Variants in AHRR observed in about 807,000 individuals in gnomAD.
The protein encoded by AHRR is ahR repressor.
A neutral mutation model predicts 44.0 loss-of-function variants in AHRR; 28 were observed. The ratio of observed to expected loss-of-function variants is 0.64; its 90% CI spans 0.47 to 0.87. The LOEUF is 0.87. Among genes scored for constraint, AHRR ranks in the 40% least tolerant of loss-of-function variants. The pLI is 0.00. For missense variants in AHRR, 990 were observed against 953.9 expected (o/e 1.04, Z -0.50); for synonymous variants, 434 against 407.0 (o/e 1.07, Z -0.80).
chr5:332,541 C>T (rs969181722), intron 1 of AHRR, among the ~76,000 whole-genome samples: 13 of 152,294 alleles, frequency 8.5e-5, no homozygotes, highest in African/African-American at 3.1e-4. Context: ...GCTGGGATTA[C>T]AGGTGTGAGC....
At chr5:415,830 C>G (rs1478944384) in intron 5 of AHRR, among the ~76,000 whole-genome samples, 1 of 152,188 alleles carries the variant, frequency 6.6e-6, no homozygotes, top group African/African-American at 2.4e-5. Flanking sequence ...GGCCCTGAGG[C>G]TGCACAGTTT....
At chr5:325,550 C>T (rs551419597) in intron 1 of AHRR, among the ~76,000 whole-genome samples, 139 of 152,230 alleles carry the variant, frequency 9.1e-4, no homozygotes, top group African/African-American at 3.0e-3. Flanking sequence ...GGGCCAGACA[C>T]GTGACCATGA....
chr5:360,700 G>T (rs1402869839), intron 3 of AHRR, among the ~76,000 whole-genome samples: 1 of 152,210 alleles, frequency 6.6e-6, no homozygotes, highest in South Asian at 2.1e-4. Flanking sequence ...CGTGGAACGC[G>T]AGGAAAGTGA....
rs979832207 is a variant in AHRR at position 422,510 on chromosome 5, C to G, written c.442-219C>G. The G allele has an allele frequency of 1.0e-5, 6 of 580,470 alleles. No individual in the cohort carries two copies. The African/African-American group carries it at 1.1e-4, about 11-fold the overall frequency. 36.0% of individuals were successfully genotyped at this position (580,470 alleles called of 1,614,324 possible). On this transcript the variant is annotated intron_variant, in intron 5 of 10. Transcript: ENST00000684583. ...AAGGCTGGATGTGGGCACCACTTGG[C>G]GGGCAGACGGGTGGGCGGGTGCTCC...
At chr5:421,645 C>T (rs140575929) in intron 5 of AHRR, among the ~76,000 whole-genome samples, 1 of 152,188 alleles carries the variant, frequency 6.6e-6, no homozygotes, top group South Asian at 2.1e-4. Context: ...CGAGGGGTCT[C>T]TGTTCCTCTG....
intron 2 of AHRR, 47 bp downstream of exon 2, chr5:344,011 A>C (rs1742468647): frequency 6.4e-7 from 1 of 1,565,534 alleles, no homozygotes; most frequent in South Asian, 1.1e-5. Context: ...CACCCATGGA[A>C]GGGGAGGGTT....
intron 1 of AHRR, among the ~76,000 whole-genome samples, chr5:340,688 A>ATATATATATATAT (rs1269938749): frequency 7.7e-5 from 1 of 12,916 alleles, no homozygotes; most frequent in African/African-American, 4.0e-4. Flanking sequence ...ATATATATAT[A>ATATATATATATAT]TTTTTTTTTT....
chr5:385,947 G>T (rs1734155251), intron 4 of AHRR, among the ~76,000 whole-genome samples: 1 of 151,832 alleles, frequency 6.6e-6, no homozygotes, highest in Non-Finnish European at 1.5e-5. Flanking sequence ...CTGTTGAACT[G>T]CCTTTAACTT....
In AHRR at chr5:373,597, A is replaced by AG. The variant is rs542532007; in HGVS notation, c.245-3006dup. Among the ~76,000 whole-genome samples, 1,106 of 148,112 alleles carry AG rather than the reference A, an allele frequency of 7.5e-3. 8 individuals carry two copies. The highest frequency in any genetic ancestry group is 0.026 in the African/African-American group (1,039 of 40,268). On this transcript the variant is annotated intron_variant, in intron 3 of 10. Transcript: ENST00000684583. Reference sequence around the variant, plus strand: ...ATGGGCAACTGCGGTGGCTGGGCGGAGGGGGGGTCTCTCTCCACATCACAG... The same window carrying AG: ...ATGGGCAACTGCGGTGGCTGGGCGGAGGGGGGGGTCTCTCTCCACATCACAG...
chr5:401,953 G>T (rs775367303), intron 4 of AHRR, among the ~76,000 whole-genome samples: 2 of 152,172 alleles, frequency 1.3e-5, no homozygotes, highest in African/African-American at 2.4e-5. Flanking sequence ...ACGCAGACAG[G>T]CCTGCACCAA....
intron 8 of AHRR, among the ~76,000 whole-genome samples, chr5:429,816 G>A (rs903428076): frequency 2.6e-5 from 4 of 152,216 alleles, no homozygotes; most frequent in East Asian, 1.9e-4. Flanking sequence ...AACCCCACAC[G>A]GAAAACATTG....
chr5:326,485 C>T lies in AHRR; in HGVS notation c.-11+4666C>T, dbSNP rs1741717514. ...GATACCACATTCTGTTTACTGATCCCTCAGCTGATGGACATTTAGGTTGTT... is the reference window on the plus strand; with the variant it reads ...GATACCACATTCTGTTTACTGATCCTTCAGCTGATGGACATTTAGGTTGTT... On this transcript the variant is annotated intron_variant, in intron 1 of 10. Transcript: ENST00000684583. This position sits in a 1 kb window ranked among gnomAD's most constrained non-coding sequence, Gnocchi z 4.1. Among the ~76,000 whole-genome samples, 1 of 152,202 alleles carries T rather than the reference C, an allele frequency of 6.6e-6. No homozygotes were observed.
rs1016145051 is a variant in AHRR, at chr5:405,845, A to G, written c.352-7499A>G. Among the ~76,000 whole-genome samples the G allele has an allele frequency of 6.6e-6, 1 of 152,224 alleles. No homozygotes were observed. The highest frequency in any genetic ancestry group is 2.4e-5 in the African/African-American group (1 of 41,452). The stretch of plus-strand genomic sequence containing the variant: ...TTGGATACTTTACTGATTGAAAAAT[A>G]TGGCTTTGCAGCCTAGCAAGGCTCT... On this transcript the variant is annotated intron_variant, in intron 4 of 10. Coordinates refer to ENST00000684583, the MANE Select transcript of AHRR (RefSeq NM_001377236.1). The surrounding 1 kb of genome is among the most constrained non-coding windows in gnomAD (Gnocchi z 4.5).
chr5:431,656 C>A (rs191084509), intron 8 of AHRR, among the ~76,000 whole-genome samples: 12 of 152,322 alleles, frequency 7.9e-5, no homozygotes, highest in African/African-American at 1.4e-4. Context: ...AACAGCCCCC[C>A]AGTCTTCCAC....
chr5:381,352 T>G (rs1733973235), intron 4 of AHRR, among the ~76,000 whole-genome samples: 1 of 152,186 alleles, frequency 6.6e-6, no homozygotes, highest in Non-Finnish European at 1.5e-5. Context: ...TATTTACTTT[T>G]TCAATCTATG....
intron 5 of AHRR, among the ~76,000 whole-genome samples, chr5:421,875 A>C (rs1736141038): frequency 6.6e-6 from 1 of 152,162 alleles, no homozygotes. Context: ...CTTGACTCTT[A>C]AGGAGCTCCT....
intron 4 of AHRR, among the ~76,000 whole-genome samples, chr5:391,504 A>G (rs1219114061): frequency 1.3e-5 from 1 of 75,456 alleles, no homozygotes; most frequent in Non-Finnish European, 2.2e-5. Context: ...AGGGTGAGGC[A>G]GGGCCAGAGC....
intron 5 of AHRR, among the ~76,000 whole-genome samples, chr5:420,680 G>A (rs1290493345): frequency 6.6e-6 from 1 of 152,238 alleles, no homozygotes; most frequent in Non-Finnish European, 1.5e-5. Context: ...TGTCCACCAG[G>A]AGGGCGGGAT....
chr5:429,407 C>A (rs375688941), intron 8 of AHRR, among the ~76,000 whole-genome samples: 1 of 152,208 alleles, frequency 6.6e-6, no homozygotes, highest in South Asian at 2.1e-4. Flanking sequence ...GGCGAGTTGC[C>A]GCTCCTGCCA....
Sources: gnomAD v4.1 joint callset for allele counts (sites outside exome capture counted in the v4.1 genomes callset) on GRCh38, gnomAD v4.1.1 for gene constraint, Gnocchi (gnomAD v3.1) non-coding constraint, MANE v1.5 for transcripts, NCBI Gene and HGNC (gene_info 2026-07-23, HGNC 2026-07-21) for gene names.